CUL2: variants seen among roughly 807,000 people sequenced by gnomAD.
CUL2 encodes cullin-2.
A neutral mutation model predicts 110.2 loss-of-function variants in CUL2; 22 were observed. That is an observed-to-expected ratio of 0.20 (90% CI 0.14 to 0.28). The LOEUF (loss-of-function observed/expected upper bound fraction) is 0.28, where lower values mean the gene tolerates loss of function less well. CUL2 is among the 10% of genes least tolerant of loss of function. CUL2 has a pLI of 1.00. For synonymous variants in CUL2, 279 were observed against 293.2 expected (o/e 0.95, Z 0.49); for missense variants, 631 against 905.5 (o/e 0.70, Z 3.89).
intron 9 of CUL2, among the ~76,000 whole-genome samples, chr10:35,037,956 C>A (rs1462894902): frequency 2.6e-5 from 4 of 151,474 alleles, no homozygotes; most frequent in African/African-American, 9.7e-5. Context: ...GAGCTCAAGA[C>A]CAGGAGGCCA....
In CUL2 at chr10:35,039,072, C is replaced by T. The variant is rs1417280221; in HGVS notation, c.725G>A (p.Arg242Lys). 6.4e-7 allele frequency: 1 copy of T among 1,570,538 alleles called. No homozygotes were observed. The highest frequency in any genetic ancestry group is 2.3e-5 in the East Asian group (1 of 44,056). The part of the protein sequence containing the change: ...CSQYMEKVLG[R>K]LKDEEIRCRK... The stretch of plus-strand genomic sequence containing the variant: ...ACATCGAATTTCTTCATCTTTTAAT[C>T]TACCTAGAACCTATAAAAATATTTT... Residue 242 changes from arginine to lysine, a missense_variant, in exon 9 of 21, where the codon AGA becomes AAA. This residue lies in a region of CUL2 where 338 missense variants were observed against 442.5 expected (regional missense o/e 0.76). Coordinates refer to ENST00000374749, the MANE Select transcript of CUL2 (RefSeq NM_003591.4).
intron 4 of CUL2, among the ~76,000 whole-genome samples, chr10:35,054,939 AT>A (rs2086205775): frequency 6.6e-6 from 1 of 152,198 alleles, no homozygotes; most frequent in South Asian, 2.1e-4. Context: ...GCAATTTTTC[AT>A]TTTTAAACAA....
chr10:35,011,800 GA>G, intron 20 of CUL2, 47 bp downstream of exon 20: 1 of 941,970 alleles, frequency 1.1e-6, no homozygotes, highest in Non-Finnish European at 1.7e-6. Flanking sequence ...TCTGTACAAT[GA>G]CAATGCCCTC....
intron 5 of CUL2, among the ~76,000 whole-genome samples, chr10:35,051,469 C>T (rs925401227): frequency 8.7e-5 from 12 of 138,446 alleles, no homozygotes; most frequent in African/African-American, 3.2e-4. Context: ...AAAAATTAGC[C>T]GGGCGAGGTG....
rs2086991404 is a variant in CUL2 at position 35,083,581 on chromosome 10, G to A, written c.-23+6598C>T. ...AAGTTGAACCTAGAACACCTATGAT[G>A]TCAGAAAATAGAAGGTGCTTTCCCC... On this transcript the variant is annotated intron_variant, in intron 1 of 20. Transcript: ENST00000374749. Among the ~76,000 whole-genome samples the A allele has an allele frequency of 2.0e-5, 3 of 152,172 alleles. No individual in the cohort carries two copies. In the South Asian group the frequency reaches 6.2e-4, roughly 32 times the overall value.
chr10:35,023,991 C>T (rs1045138277), intron 17 of CUL2, among the ~76,000 whole-genome samples: 2 of 151,958 alleles, frequency 1.3e-5, no homozygotes, highest in Non-Finnish European at 2.9e-5. Flanking sequence ...TGCTCCACCA[C>T]GCCTGGCTAA....
At chr10:35,081,829 G>A (rs140651281) in intron 1 of CUL2, among the ~76,000 whole-genome samples, 8 of 152,046 alleles carry the variant, frequency 5.3e-5, no homozygotes, top group Middle Eastern at 3.4e-3. Context: ...AGATGTGACC[G>A]CACCACTACA....
intron 14 of CUL2, 88 bp from the exon 15 acceptor site, chr10:35,029,728 C>T (rs1161696217): frequency 9.9e-7 from 1 of 1,008,722 alleles, no homozygotes; most frequent in South Asian, 1.6e-5. Flanking sequence ...ATTGCTAGGT[C>T]TTTGATCAAA....
intron 11 of CUL2, among the ~76,000 whole-genome samples, 195 bp from the exon 12 acceptor site, chr10:35,032,689 A>G (rs566369924): frequency 6.6e-6 from 1 of 152,314 alleles, no homozygotes; most frequent in Admixed American, 6.5e-5. Flanking sequence ...AAATATCTAT[A>G]TATCCTGTTG....
At chr10:35,106,486 AT>A (rs369482307) in intron 1 of CUL2, among the ~76,000 whole-genome samples, 23,541 of 147,110 alleles carry the variant, frequency 0.16, 1,988 homozygotes, top group East Asian at 0.24. Flanking sequence ...CGCCCGGCTA[AT>A]TTTTTTTTTT....
chr10:35,035,524 A>G (rs1405109379), intron 9 of CUL2, among the ~76,000 whole-genome samples: 5 of 152,142 alleles, frequency 3.3e-5, no homozygotes, highest in Admixed American at 3.3e-4. Context: ...GTGAATACAT[A>G]TATTCTTCCC....
At chr10:35,021,913 A>AGGTGGGGC (rs1322020013) in intron 17 of CUL2, among the ~76,000 whole-genome samples, 1 of 131,382 alleles carries the variant, frequency 7.6e-6, no homozygotes, top group African/African-American at 2.7e-5. Context: ...AGGTGGGGCG[A>AGGTGGGGC]AGTGGGGCGA....
At position 35,044,497 on chromosome 10, in the gene CUL2, G is replaced by T. The variant is rs1383832776; in HGVS notation, c.714+69C>A. 3 of 944,914 alleles carry T rather than the reference G, an allele frequency of 3.2e-6. No individual in the cohort carries two copies. In the South Asian group the frequency reaches 5.5e-5, roughly 17 times the overall value. The allele number at this position is 944,914 out of a possible 1,614,324, so 58.5% of individuals were successfully genotyped here. On this transcript the variant is annotated intron_variant, in intron 8 of 20. Coordinates refer to ENST00000374749, the MANE Select transcript of CUL2 (RefSeq NM_003591.4). ...CCAAGAAACAAAACAAGAAAACTAA[G>T]AACGATGTTAAATAAAACCAGGCCA...
intron 15 of CUL2, among the ~76,000 whole-genome samples, 161 bp from the exon 16 acceptor site, chr10:35,029,048 A>G (rs2085404108): frequency 6.7e-6 from 1 of 149,290 alleles, no homozygotes; most frequent in African/African-American, 2.5e-5. Flanking sequence ...TTCCAAACCA[A>G]TAGGACCTTT....
chr10:35,020,090 A>G (rs1221037649), intron 17 of CUL2, among the ~76,000 whole-genome samples: 1 of 152,232 alleles, frequency 6.6e-6, no homozygotes, highest in Non-Finnish European at 1.5e-5. Flanking sequence ...CTTGCCAATA[A>G]TACTTAACTG....
intron 18 of CUL2, among the ~76,000 whole-genome samples, chr10:35,015,082 C>T (rs1456948382): frequency 2.6e-5 from 4 of 151,760 alleles, no homozygotes; most frequent in Non-Finnish European, 4.4e-5. Flanking sequence ...GTCAGGAGTT[C>T]GAGACCAGCC....
At chr10:35,064,735 G>T (rs780830331) in intron 2 of CUL2, among the ~76,000 whole-genome samples, 2 of 151,744 alleles carry the variant, frequency 1.3e-5, no homozygotes, top group Middle Eastern at 3.2e-3. Context: ...TAGAAACAGG[G>T]TCTCACCATG....
At chr10:35,071,175 A>C in intron 2 of CUL2, 24 bp downstream of exon 2, 1 of 1,605,468 alleles carries the variant, frequency 6.2e-7, no homozygotes, top group Non-Finnish European at 8.5e-7. Flanking sequence ...TAGAACATTG[A>C]TCAAGCTGCC....
rs11357517 is a variant in CUL2 at position 35,018,288 on chromosome 10, C to CAAA, written c.1685-1897_1685-1895dup. 1.6e-3 allele frequency among the ~76,000 whole-genome samples: 121 copies of CAAA among 75,272 alleles called. 3 individuals are homozygous for CAAA. The highest frequency in any genetic ancestry group is 6.9e-3 in the African/African-American group (111 of 16,106). 49.4% of individuals were successfully genotyped at this position (75,272 alleles called of 152,430 possible). The stretch of plus-strand genomic sequence containing the variant: ...GGCAACAGAGCAAGACTCCATCTCA[C>CAAA]AAAAAAAAAAAAAAAAAAAAAAAAA... On this transcript the variant is annotated intron_variant, in intron 17 of 20. Transcript: ENST00000374749.
Sources: allele counts gnomAD v4.1 joint callset (sites outside exome capture counted in the v4.1 genomes callset), GRCh38; gene constraint gnomAD v4.1.1; regional missense constraint gnomAD v4.1.1; transcripts MANE v1.5; gene names NCBI Gene and HGNC (gene_info 2026-07-23, HGNC 2026-07-21).